Variants in SEC14L5 observed in about 807,000 individuals in gnomAD.
The protein encoded by SEC14L5 is SEC14-like protein 5.
A neutral mutation model predicts 84.6 loss-of-function variants in SEC14L5; 96 were observed. The ratio of observed to expected loss-of-function variants is 1.13; its 90% CI spans 0.96 to 1.34. The LOEUF (loss-of-function observed/expected upper bound fraction) is 1.34, where lower values mean the gene tolerates loss of function less well. Ranked by LOEUF, SEC14L5 falls within the 40% of genes most tolerant of loss-of-function variation. SEC14L5 has a pLI of 0.00. For synonymous variants in SEC14L5, 546 were observed against 383.4 expected (o/e 1.42, Z -4.95); for missense variants, 1,224 against 942.5 (o/e 1.30, Z -3.91).
intron 13 of SEC14L5, 67 bp from the exon 14 acceptor site, chr16:5,008,354 A>G (rs1369830904): frequency 1.5e-5 from 18 of 1,186,518 alleles, no homozygotes; most frequent in African/African-American, 4.5e-5. Context: ...CCCTCCTGCC[A>G]CTGTGTTCCC....
intron 2 of SEC14L5, among the ~76,000 whole-genome samples, chr16:4,984,127 C>G (rs552833640): frequency 6.6e-6 from 1 of 152,264 alleles, no homozygotes; most frequent in East Asian, 1.9e-4. Context: ...TTAGAATAGT[C>G]TCATTACCTC....
chr16:4,988,218 A>G lies in SEC14L5; in HGVS notation c.283A>G (p.Ile95Val), dbSNP rs1303185274. The change falls in exon 4 of 16, where the codon ATC becomes GTC. Residue 95 changes from isoleucine (I) to valine (V), a missense_variant. Physicochemically the swap from Ile to Val is conservative, Grantham distance 29 (BLOSUM62 3). Transcript: ENST00000251170. ...ILNWKERTLLIEAHNETFANR... is the reference protein window; with the variant it reads ...ILNWKERTLLVEAHNETFANR... ...GAACTGGAAGGAGAGGACGCTCCTC[A>G]TCGAAGCGCACAATGAGACCTTCGC... 1.9e-6 allele frequency: 3 copies of G among 1,613,656 alleles called. No individual in the cohort carries two copies. Among genetic ancestry groups the G allele is most frequent in the Non-Finnish European group, 2.5e-6 (3 of 1,179,676 alleles).
At chr16:4,968,496 A>C (rs1030948167) in intron 2 of SEC14L5, among the ~76,000 whole-genome samples, 2 of 152,148 alleles carry the variant, frequency 1.3e-5, no homozygotes, top group Admixed American at 6.6e-5. Context: ...GCTAATTTTA[A>C]AAAATATTTT....
At chr16:4,978,823 G>C (rs547705438) in intron 2 of SEC14L5, among the ~76,000 whole-genome samples, 2 of 152,090 alleles carry the variant, frequency 1.3e-5, no homozygotes, top group Non-Finnish European at 1.5e-5. Context: ...GGATGGTCTC[G>C]ATCGCTTGAC....
intron 1 of SEC14L5, among the ~76,000 whole-genome samples, chr16:4,958,960 T>A: frequency 6.6e-6 from 1 of 151,604 alleles, no homozygotes; most frequent in East Asian, 1.9e-4. Flanking sequence ...AGTGTAAGAA[T>A]TGCAAATGTG....
chr16:5,018,669 A>G lies in SEC14L5; in HGVS notation c.*3699A>G, dbSNP rs1370658084. 6.6e-6 allele frequency: 1 copy of G among 152,222 alleles called. No homozygotes were observed. The highest frequency in any genetic ancestry group is 1.5e-5 in the Non-Finnish European group (1 of 68,074). The allele number at this position is 152,222 out of a possible 1,614,324, so 9.4% of individuals were successfully genotyped here. On this transcript the variant is annotated 3_prime_UTR_variant, in exon 16 of 16. Coordinates refer to ENST00000251170, the MANE Select transcript of SEC14L5 (RefSeq NM_014692.2). ...AGCAAGACCCTGTCTCAAAAAAAGAAGAAAGAAGCTGCTTGTGTTTTCTGG... is the reference window on the plus strand; with the variant it reads ...AGCAAGACCCTGTCTCAAAAAAAGAGGAAAGAAGCTGCTTGTGTTTTCTGG...
intron 2 of SEC14L5, among the ~76,000 whole-genome samples, chr16:4,961,882 T>C (rs1955125192): frequency 6.6e-6 from 1 of 152,054 alleles, no homozygotes; most frequent in South Asian, 2.1e-4. Flanking sequence ...GCTTGGGTCT[T>C]AGAACATGTG....
At chr16:4,976,126 A>C (rs913841814) in intron 2 of SEC14L5, among the ~76,000 whole-genome samples, 20 of 152,198 alleles carry the variant, frequency 1.3e-4, no homozygotes, top group Non-Finnish European at 2.1e-4. Context: ...GGTGATGTAG[A>C]ATGAACCATG....
chr16:4,998,819 G>T (rs1004669712), intron 8 of SEC14L5, among the ~76,000 whole-genome samples: 22 of 151,140 alleles, frequency 1.5e-4, no homozygotes, highest in Non-Finnish European at 2.1e-4. Context: ...CTAAAGAACC[G>T]GCTGGCATGG....
intron 14 of SEC14L5, among the ~76,000 whole-genome samples, chr16:5,010,188 C>CAAAAAAAAA (rs59942135): frequency 2.3e-5 from 1 of 43,646 alleles, no homozygotes; most frequent in African/African-American, 1.3e-4. Context: ...ACTAAAAATA[C>CAAAAAAAAA]AAAAAAAAAA....
Position 4,987,650 on chromosome 16 carries a change from C to T in SEC14L5, c.157C>T (p.His53Tyr). ...GTCCCGCAGCCCGGACGGGGCTGTG[C>T]ACGTGGTGGAGCGGAGCTGCCGGCT... ...RESRSPDGAVHVVERSCRLRV... is the reference protein window; with the variant it reads ...RESRSPDGAVYVVERSCRLRV... Residue 53 changes from histidine to tyrosine, a missense_variant, in exon 3 of 16, where the codon CAC becomes TAC. Transcript: ENST00000251170. 1 of 1,552,864 alleles carries T rather than the reference C, an allele frequency of 6.4e-7. No individual in the cohort carries two copies. Among genetic ancestry groups the T allele is most frequent in the South Asian group, 1.2e-5 (1 of 84,186 alleles).
At chr16:5,009,290 C>T (rs1274386849) in intron 14 of SEC14L5, among the ~76,000 whole-genome samples, 1 of 152,138 alleles carries the variant, frequency 6.6e-6, no homozygotes, top group African/African-American at 2.4e-5. Flanking sequence ...CTAGCCATCA[C>T]AGTTAGGCCC....
chr16:5,014,087 A>G (rs1019470531), intron 15 of SEC14L5, among the ~76,000 whole-genome samples: 2 of 152,196 alleles, frequency 1.3e-5, no homozygotes, highest in Non-Finnish European at 2.9e-5. Context: ...GCACTGTCCT[A>G]TCTGGTCGCT....
intron 1 of SEC14L5, 50 bp from the exon 2 acceptor site, chr16:4,959,223 C>T (rs1306338003): frequency 5.7e-6 from 5 of 879,368 alleles, no homozygotes; most frequent in Non-Finnish European, 7.7e-6. Flanking sequence ...GGTGGTGTCC[C>T]TGCTTCCCGA....
At position 4,998,003 on chromosome 16, in the gene SEC14L5, C is replaced by CCTTTTTTTT. The variant is rs1555530444; in HGVS notation, c.970+959_970+960insCTTTTTTTT. Among the ~76,000 whole-genome samples the CCTTTTTTTT allele has an allele frequency of 9.0e-5, 7 of 77,896 alleles. 3 individuals are homozygous for CCTTTTTTTT. The highest frequency in any genetic ancestry group is 1.5e-4 in the African/African-American group (3 of 19,360). 51.1% of individuals were successfully genotyped at this position (77,896 alleles called of 152,430 possible). A position where few individuals can be genotyped will look rare whatever the true frequency, so the allele number is the denominator to read the frequency against. Reference sequence around the variant, plus strand: ...AATTACACCTGCACAGACTCTAGTTCTTTTTTTTTTTTTTTTTTGAGACAG... The same window carrying CCTTTTTTTT: ...AATTACACCTGCACAGACTCTAGTTCCTTTTTTTTTTTTTTTTTTTTTTTTTTGAGACAG... On this transcript the variant is annotated intron_variant, in intron 8 of 15. Transcript: ENST00000251170.
At chr16:4,975,075 G>T (rs772649679) in intron 2 of SEC14L5, among the ~76,000 whole-genome samples, 80 of 152,020 alleles carry the variant, frequency 5.3e-4, no homozygotes, top group Non-Finnish European at 6.3e-4. Flanking sequence ...ACCGCGCCCA[G>T]CTTGCGTCCT....
chr16:5,002,683 G>T (rs907244482), intron 10 of SEC14L5, among the ~76,000 whole-genome samples: 2 of 152,136 alleles, frequency 1.3e-5, no homozygotes, highest in Admixed American at 1.3e-4. Context: ...GGGAGGTGGA[G>T]GCTCCCGGGC....
At chr16:4,966,763 A>G (rs752379031) in intron 2 of SEC14L5, among the ~76,000 whole-genome samples, 8 of 152,134 alleles carry the variant, frequency 5.3e-5, no homozygotes, top group Non-Finnish European at 1.2e-4. Flanking sequence ...CCCAACTATG[A>G]GCTCTACCAT....
In SEC14L5 at chr16:5,013,640, C is replaced by T. The variant is rs574409287; in HGVS notation, c.1980-1219C>T. Among the ~76,000 whole-genome samples the T allele has an allele frequency of 3.5e-5, 5 of 142,350 alleles. No homozygotes were observed. The South Asian group carries it at 9.0e-4, about 26-fold the overall frequency. The allele number at this position is 142,350 out of a possible 152,430, so 93.4% of individuals were successfully genotyped here. A position where few individuals can be genotyped will look rare whatever the true frequency, so the allele number is the denominator to read the frequency against. On this transcript the variant is annotated intron_variant, in intron 15 of 15. Transcript: ENST00000251170. ...GTGGCACGATATCTACTCACTGCAA[C>T]CTCCGCCTCCTGGGTTCAAGCAATC... is the stretch of plus-strand genomic sequence containing the variant.
Sources: allele counts gnomAD v4.1 joint callset (sites outside exome capture counted in the v4.1 genomes callset), GRCh38; gene constraint gnomAD v4.1.1; transcripts MANE v1.5; gene names NCBI Gene and HGNC (gene_info 2026-07-23, HGNC 2026-07-21).